FAT1: variants seen among roughly 807,000 people sequenced by gnomAD.
FAT1 encodes the protein protocadherin Fat 1.
FAT1 carries 171 observed loss-of-function variants against 329.8 expected under a neutral mutation model. The observed-to-expected ratio is 0.52, with a 90% CI of 0.46 to 0.59. The LOEUF (loss-of-function observed/expected upper bound fraction) is 0.59. Ranked by LOEUF, FAT1 falls within the 20% of genes least tolerant of loss-of-function variation. The pLI, the probability that FAT1 is intolerant of heterozygous loss-of-function variation, is 0.00. For missense variants in FAT1, 5,672 were observed against 5,774.4 expected (o/e 0.98, Z 0.57); for synonymous variants, 2,233 against 2,228.6 (o/e 1.00, Z -0.06).
At chr4:186,665,405 T>C (rs1742388452) in intron 2 of FAT1, among the ~76,000 whole-genome samples, 1 of 152,262 alleles carries the variant, frequency 6.6e-6, no homozygotes, top group East Asian at 1.9e-4. Flanking sequence ...TGTGAGATGG[T>C]ATCTCATTGT....
chr4:186,622,623 T>C (rs543461960), intron 9 of FAT1, among the ~76,000 whole-genome samples: 2 of 152,346 alleles, frequency 1.3e-5, no homozygotes, highest in African/African-American at 4.8e-5. Flanking sequence ...CAGGCTATAC[T>C]GTATGTATCT....
intron 9 of FAT1, among the ~76,000 whole-genome samples, chr4:186,626,541 C>T (rs1218262038): frequency 7.3e-6 from 1 of 137,256 alleles, no homozygotes; most frequent in Non-Finnish European, 1.6e-5. Flanking sequence ...CAACATGGCA[C>T]CTGGCACATA....
rs766787268 is a variant in FAT1 at position 186,707,946 on chromosome 4, G to A, written c.1882C>T (p.Arg628Ter). Residue 628 changes from arginine to a stop codon, truncating the protein, a stop_gained, in exon 2 of 27, where the codon CGA becomes TGA. Transcript: ENST00000441802. LOFTEE classifies it high-confidence loss of function. ...GCACCTAAGCCATCCATTAGCGATCGCTTTAATGACAATACCCCCGAGTTG... is the reference window on the plus strand; with the variant it reads ...GCACCTAAGCCATCCATTAGCGATCACTTTAATGACAATACCCCCGAGTTG... Reference protein sequence around the residue: ...NPNSGVLSLKRSLMDGLGAKV... With the variant: ...NPNSGVLSLK 9 of 1,613,910 alleles carry A rather than the reference G, an allele frequency of 5.6e-6. No individual in the cohort carries two copies. Among genetic ancestry groups the A allele is most frequent in the African/African-American group, 1.3e-5 (1 of 75,016 alleles).
At chr4:186,591,069 C>T (rs750466050) in intron 26 of FAT1, among the ~76,000 whole-genome samples, 4 of 152,220 alleles carry the variant, frequency 2.6e-5, no homozygotes, top group African/African-American at 7.2e-5. Flanking sequence ...TGTAACCAAA[C>T]GCATGTAAAT....
At chr4:186,706,457 C>G (rs1744600525) in intron 2 of FAT1, 106 bp downstream of exon 2, 2 of 1,246,332 alleles carry the variant, frequency 1.6e-6, no homozygotes, top group East Asian at 4.7e-5. Context: ...TATACCGAGC[C>G]CAAAGAGCAA....
At chr4:186,706,205 A>C (rs1473653061) in intron 2 of FAT1, among the ~76,000 whole-genome samples, 1 of 152,232 alleles carries the variant, frequency 6.6e-6, no homozygotes, top group Non-Finnish European at 1.5e-5. Context: ...CACTGACTGA[A>C]AAAAGTTGGA....
intron 2 of FAT1, among the ~76,000 whole-genome samples, chr4:186,691,515 G>C (rs111565183): frequency 6.6e-6 from 1 of 152,188 alleles, no homozygotes; most frequent in Non-Finnish European, 1.5e-5. Context: ...CACTGAGCCA[G>C]GCGTGACAGG....
intron 2 of FAT1, among the ~76,000 whole-genome samples, chr4:186,685,075 T>C (rs752733495): frequency 6.6e-6 from 1 of 151,910 alleles, no homozygotes; most frequent in Non-Finnish European, 1.5e-5. Context: ...GACACAGGAG[T>C]AACCAGGAGC....
intron 7 of FAT1, among the ~76,000 whole-genome samples, chr4:186,633,378 T>C (rs1197841139): frequency 1.3e-5 from 2 of 152,212 alleles, no homozygotes; most frequent in Non-Finnish European, 2.9e-5. Flanking sequence ...AGTGATGTAC[T>C]TGATGTTAAC....
At chr4:186,605,518 A>AGGGGAGTGGGTAGGAGGAAGAGAAGGAG (rs1739080926) in intron 17 of FAT1, among the ~76,000 whole-genome samples, 1 of 82,962 alleles carries the variant, frequency 1.2e-5, no homozygotes, top group Admixed American at 1.7e-4. Context: ...AGGAGTGGGG[A>AGGGGAGTGGGTAGGAGGAAGAGAAGGAG]GGGGAGTGGG....
rs1182481244 is a variant in FAT1, at chr4:186,613,242, A to T, written c.9330T>A (p.Ser3110Arg). 6.2e-7 allele frequency: 1 copy of T among 1,613,870 alleles called. No individual in the cohort carries two copies. The highest frequency in any genetic ancestry group is 8.5e-7 in the Non-Finnish European group (1 of 1,179,792). Residue 3110 changes from serine to arginine, a missense_variant, in exon 13 of 27, where the codon AGT becomes AGA. Ser to Arg is a moderately radical substitution (Grantham distance 110). Around this residue, in one of 2 missense-constraint regions of FAT1, gnomAD observed 3,966 missense variants for 3,915.2 expected, o/e 1.01. Coordinates refer to ENST00000441802, the MANE Select transcript of FAT1 (RefSeq NM_005245.4). ...TCACATCTTCTAGCGTGAGCACAATACTGGCTTGGCAGAATCTTCCTCCTC... is the reference window on the plus strand; with the variant it reads ...TCACATCTTCTAGCGTGAGCACAATTCTGGCTTGGCAGAATCTTCCTCCTC... ...TDGGGRFCQA[S>R]IVLTLEDVND...
At chr4:186,624,643 G>C (rs545103116) in intron 9 of FAT1, among the ~76,000 whole-genome samples, 1 of 152,142 alleles carries the variant, frequency 6.6e-6, no homozygotes, top group Non-Finnish European at 1.5e-5. Flanking sequence ...CTTTTTCCCT[G>C]AATACTCCTA....
intron 3 of FAT1, among the ~76,000 whole-genome samples, chr4:186,659,852 C>T (rs1487566187): frequency 1.3e-5 from 2 of 149,392 alleles, no homozygotes; most frequent in Admixed American, 6.7e-5. Flanking sequence ...ACACACAAGC[C>T]GGCTGTGGCA....
chr4:186,686,681 G>GAATTAA, intron 2 of FAT1, among the ~76,000 whole-genome samples: 1 of 151,978 alleles, frequency 6.6e-6, no homozygotes, highest in Non-Finnish European at 1.5e-5. Flanking sequence ...TCTTTTCCAA[G>GAATTAA]TTCTTAACAT....
rs34794741 is a variant in FAT1 at position 186,595,296 on chromosome 4, GGTGTGT to G, written c.13138+387_13138+392del. On this transcript the variant is annotated intron_variant, in intron 26 of 26. Transcript: ENST00000441802. ...GACTATCACATCTCTTCTTAGAGGG[GGTGTGT>G]GTGTGTGTGTGTGTGAGAGAGAGTG... is the stretch of plus-strand genomic sequence containing the variant. Among the ~76,000 whole-genome samples the G allele has an allele frequency of 4.1e-4, 61 of 149,958 alleles. No homozygotes were observed. In the East Asian group the frequency reaches 4.9e-3, roughly 12 times the overall value.
Position 186,600,771 on chromosome 4 carries a change from C to T in FAT1, c.11641-411G>A, listed in dbSNP as rs188580798. On this transcript the variant is annotated intron_variant, in intron 21 of 26. Transcript: ENST00000441802. Reference sequence around the variant, plus strand: ...TGTCGCCCAGGCTGGAGTGCAGTGGCGTGATCTCAACTCACTGCAACCTCT... The same window carrying T: ...TGTCGCCCAGGCTGGAGTGCAGTGGTGTGATCTCAACTCACTGCAACCTCT... Among the ~76,000 whole-genome samples the T allele has an allele frequency of 1.1e-3, 173 of 152,290 alleles. 1 individual carries two copies. Among genetic ancestry groups the T allele is most frequent in the East Asian group, 1.2e-3 (6 of 5,186 alleles).
Position 186,628,468 on chromosome 4 carries a change from A to G in FAT1, c.4599+20T>C, listed in dbSNP as rs1465525517. 1 of 1,613,424 alleles carries G rather than the reference A, an allele frequency of 6.2e-7. No homozygotes were observed. Among genetic ancestry groups the G allele is most frequent in the Non-Finnish European group, 8.5e-7 (1 of 1,179,416 alleles). The stretch of plus-strand genomic sequence containing the variant: ...GGCCTCAGGACCAAATGGTGGGAGG[A>G]GAGCGGGTAGAGCGCCTACCATGAC... On this transcript the variant is annotated intron_variant, in intron 8 of 26. Transcript: ENST00000441802.
In FAT1 at chr4:186,706,736, G is replaced by A. The variant is rs754413297; in HGVS notation, c.3092C>T (p.Pro1031Leu). Residue 1031 changes from proline (P) to leucine (L), a missense_variant, in exon 2 of 27, where the codon CCA becomes CTA. Around this residue, in one of 2 missense-constraint regions of FAT1, gnomAD observed 3,966 missense variants for 3,915.2 expected, o/e 1.01. Transcript: ENST00000441802. The part of the protein sequence containing the change: ...EVVDVNENLH[P>L]PVFSSFVEKG... ...TTCCACAAAGCTGGAAAACACGGGT[G>A]GGTGCAGGTTCTCATTCACATCAAC... 1 of 1,613,838 alleles carries A rather than the reference G, an allele frequency of 6.2e-7. No individual in the cohort carries two copies. The highest frequency in any genetic ancestry group is 2.2e-5 in the East Asian group (1 of 44,876).
intron 21 of FAT1, 52 bp from the exon 22 acceptor site, chr4:186,600,412 G>A (rs2126415901): frequency 6.8e-7 from 1 of 1,464,334 alleles, no homozygotes; most frequent in Non-Finnish European, 9.3e-7. Flanking sequence ...CCTTCAATGA[G>A]AGCACCTGAT....
Sources: allele counts gnomAD v4.1 joint callset (sites outside exome capture counted in the v4.1 genomes callset), GRCh38; gene constraint gnomAD v4.1.1; regional missense constraint gnomAD v4.1.1; transcripts MANE v1.5; gene names NCBI Gene and HGNC (gene_info 2026-07-23, HGNC 2026-07-21).